Variants in FAM50A observed in about 807,000 individuals in gnomAD.
FAM50A encodes family with sequence similarity 50 member A, also known as protein FAM50A.
In FAM50A, 6 loss-of-function variants were observed where a neutral mutation model predicts 35.5. The ratio of observed to expected loss-of-function variants is 0.17; its 90% CI spans 0.09 to 0.33. FAM50A has a LOEUF of 0.33. FAM50A is among the 10% of genes least tolerant of loss of function. The probability of loss-of-function intolerance (pLI) is 1.00; values close to 1 mark genes in which losing one functional copy is unlikely to be tolerated. For missense variants in FAM50A, 145 were observed against 295.5 expected, an observed-to-expected ratio of 0.49 and a Z score of 3.73; for synonymous variants, 120 against 110.9, an observed-to-expected ratio of 1.08 and a Z score of -0.52.
rs1375528080 is a variant in FAM50A at position 154,448,743 on chromosome X, G to A, written c.573G>A (p.Gln191=). 3.3e-6 allele frequency: 4 copies of A among 1,207,479 alleles called. No individual in the cohort carries two copies. The highest frequency in any genetic ancestry group is 1.8e-5 in the African/African-American group (1 of 56,511). The change falls in exon 6 of 13, where the codon CAG becomes CAA. Residue 191 remains glutamine (Q), a synonymous_variant. Transcript: ENST00000393600. ...EELRQEWEAK[Q]EKIKSEEIEI... Reference sequence around the variant, plus strand: ...TGCGGCAGGAGTGGGAAGCCAAGCAGGAGAAGATCAAGAGTGAGTGTTTGC... The same window carrying A: ...TGCGGCAGGAGTGGGAAGCCAAGCAAGAGAAGATCAAGAGTGAGTGTTTGC...
chrX:154,448,400 G>A (rs782687756), intron 4 of FAM50A, 84 bp from the exon 5 acceptor site: 13 of 828,467 alleles, frequency 1.6e-5, no homozygotes, highest in Non-Finnish European at 2.2e-5. Context: ...TGTTCTCAAG[G>A]TATGCTTGGG....
intron 8 of FAM50A, 24 bp from the exon 9 acceptor site, chrX:154,449,657 C>T (rs782129311): frequency 2.3e-5 from 27 of 1,197,972 alleles, no homozygotes; most frequent in African/African-American, 1.8e-4. Context: ...CTCTTGCCCA[C>T]GCCCTCCTGC....
At chrX:154,446,029 C>T (rs2068781196) in intron 3 of FAM50A, 118 bp downstream of exon 3, 1 of 520,260 alleles carries the variant, frequency 1.9e-6, no homozygotes, top group African/African-American at 2.3e-5. Flanking sequence ...ACAGGGGTAG[C>T]ATCTAGCTTG....
Position 154,446,549 on chromosome X carries a change from TGGAAAG to T in FAM50A, c.436_441del (p.Arg146_Glu147del). 1 of 1,165,465 alleles carries T rather than the reference TGGAAAG, an allele frequency of 8.6e-7. No homozygotes were observed. The highest frequency in any genetic ancestry group is 1.1e-6 in the Non-Finnish European group (1 of 869,721). On this transcript the variant is annotated inframe_deletion, in exon 4 of 13. Coordinates refer to ENST00000393600, the MANE Select transcript of FAM50A (RefSeq NM_004699.4). ...GAGGCGGCCATGTATGAGGAGGAGATGGAAAGGGAAGGTGAGGGCTGGCTTGAGTCG... is the reference window on the plus strand; with the variant it reads ...GAGGCGGCCATGTATGAGGAGGAGATGGAAGGTGAGGGCTGGCTTGAGTCG...
At chrX:154,446,216 G>A (rs1375504793) in intron 3 of FAM50A, 199 bp from the exon 4 acceptor site, 1 of 458,415 alleles carries the variant, frequency 2.2e-6, no homozygotes, top group Non-Finnish European at 3.9e-6. Context: ...GTGGCCCTCT[G>A]TGCTTGCTGT....
intron 1 of FAM50A, chrX:154,444,580 G>A: frequency 1.0e-5 from 2 of 197,224 alleles, no homozygotes; most frequent in Non-Finnish European, 1.9e-5. Context: ...ACTAGCTGAT[G>A]ACCGGCCTCC....
chrX:154,450,551 G>A lies in FAM50A; in HGVS notation c.*119G>A. On this transcript the variant is annotated 3_prime_UTR_variant, in exon 13 of 13. Coordinates refer to ENST00000393600, the MANE Select transcript of FAM50A (RefSeq NM_004699.4). ...TGCCAGGCACGCTGGGAGGAGGACG[G>A]CAGCTGCTCGTGTCCTGCCCCTGCC... The A allele has an allele frequency of 1.4e-6, 1 of 708,784 alleles. No homozygotes were observed. Among genetic ancestry groups the A allele is most frequent in the Non-Finnish European group, 2.1e-6 (1 of 470,312 alleles). The allele number at this position is 708,784 out of a possible 1,213,427, so 58.4% of individuals were successfully genotyped here. A position where few individuals can be genotyped will look rare whatever the true frequency, so the allele number is the denominator to read the frequency against.
At chrX:154,449,365 C>T (rs2148233533) in intron 8 of FAM50A, 68 bp downstream of exon 8, 1 of 938,691 alleles carries the variant, frequency 1.1e-6, no homozygotes, top group East Asian at 3.1e-5. Context: ...GTGCCAGACA[C>T]CCAGTGTGAT....
chrX:154,449,262 G>T lies in FAM50A; in HGVS notation c.690G>T (p.Ala230=). The change falls in exon 8 of 13, where the codon GCG becomes GCT. Residue 230 remains alanine, a synonymous_variant. Transcript: ENST00000393600. Reference sequence around the variant, plus strand: ...CCATGCAGCAGTTCCTGCAGAAGGCGCTCGAGATCCTTCGGAAAGACTTCA... The same window carrying T: ...CCATGCAGCAGTTCCTGCAGAAGGCTCTCGAGATCCTTCGGAAAGACTTCA... ...GNTMQQFLQK[A]LEILRKDFSE... 1 of 1,210,882 alleles carries T rather than the reference G, an allele frequency of 8.3e-7. No homozygotes were observed. Among genetic ancestry groups the T allele is most frequent in the Non-Finnish European group, 1.1e-6 (1 of 894,162 alleles).
intron 4 of FAM50A, among the ~76,000 whole-genome samples, chrX:154,447,574 AGCTGCAAT>A (rs1175652586): frequency 8.9e-6 from 1 of 112,258 alleles, no homozygotes; most frequent in African/African-American, 3.2e-5. Context: ...CAGGCGCACT[AGCTGCAAT>A]GCTGGGGTGC....
In FAM50A at chrX:154,448,903, C is replaced by A; in HGVS notation, c.597C>A (p.Ile199=). 3 of 1,210,911 alleles carry A rather than the reference C, an allele frequency of 2.5e-6. No homozygotes were observed. The highest frequency in any genetic ancestry group is 3.4e-6 in the Non-Finnish European group (3 of 894,647). Residue 199 remains isoleucine, a synonymous_variant, in exon 7 of 13, where the codon ATC becomes ATA. Transcript: ENST00000393600. ...AGCTCTGCCTTGTAGGTGAGGAGATCGAGATCACCTTCAGCTACTGGGATG... is the reference window on the plus strand; with the variant it reads ...AGCTCTGCCTTGTAGGTGAGGAGATAGAGATCACCTTCAGCTACTGGGATG... ...AKQEKIKSEE[I]EITFSYWDGS...
Position 154,450,109 on chromosome X carries a change from A to G in FAM50A, c.900+10A>G, listed in dbSNP as rs781950938. The G allele has an allele frequency of 3.3e-6, 4 of 1,208,056 alleles. No individual in the cohort carries two copies. On this transcript the variant is annotated intron_variant, in intron 11 of 12. Coordinates refer to ENST00000393600, the MANE Select transcript of FAM50A (RefSeq NM_004699.4). Reference sequence around the variant, plus strand: ...TGTGGAGAAGGATGAGGTACAGCGTAGGGGGCCGTGTGAGGGGGAACGGGT... The same window carrying G: ...TGTGGAGAAGGATGAGGTACAGCGTGGGGGGCCGTGTGAGGGGGAACGGGT...
chrX:154,446,185 G>T, intron 3 of FAM50A: 1 of 450,546 alleles, frequency 2.2e-6, no homozygotes, highest in Non-Finnish European at 3.9e-6. Context: ...CCCATTGCCA[G>T]CCTGTGCTTG....
At chrX:154,445,191 G>T (rs978580141) in intron 1 of FAM50A, among the ~76,000 whole-genome samples, 8 of 111,763 alleles carry the variant, frequency 7.2e-5, no homozygotes, top group Admixed American at 3.8e-4. Context: ...AAGTGGGTTG[G>T]GGCTGGGGCC....
Position 154,448,072 on chromosome X carries a change from C to CTTTTTT in FAM50A, c.443-403_443-398dup, listed in dbSNP as rs781847663. Among the ~76,000 whole-genome samples, 55 of 82,852 alleles carry CTTTTTT rather than the reference C, an allele frequency of 6.6e-4. 4 individuals are homozygous for CTTTTTT. The highest frequency in any genetic ancestry group is 2.9e-3 in the African/African-American group (52 of 18,022). The allele number at this position is 82,852 out of a possible 115,157, so 71.9% of individuals were successfully genotyped here. On this transcript the variant is annotated intron_variant, in intron 4 of 12. Transcript: ENST00000393600. ...TGTTGTTCTTTTCTTTTTTTTCTTTCTTTTTTTTTTTTTTGAGATGAGGTC... is the reference window on the plus strand; with the variant it reads ...TGTTGTTCTTTTCTTTTTTTTCTTTCTTTTTTTTTTTTTTTTTTTTGAGATGAGGTC...
chrX:154,445,714 G>A lies in FAM50A; in HGVS notation c.193G>A (p.Val65Met). 2 of 1,205,045 alleles carry A rather than the reference G, an allele frequency of 1.7e-6. No homozygotes were observed. Among genetic ancestry groups the A allele is most frequent in the South Asian group, 1.8e-5 (1 of 56,843 alleles). Reference protein sequence around the residue: ...AVEAELKSSTVGLVTLNDMKA... With the variant: ...AVEAELKSSTMGLVTLNDMKA... The stretch of plus-strand genomic sequence containing the variant: ...GGAGGCAGAGCTCAAGTCCAGCACC[G>A]TGGGTGAGCAGGGTGCGGGTGCCCC... The change falls in exon 2 of 13, where the codon GTG becomes ATG. Residue 65 changes from valine (V) to methionine (M), a missense_variant. By Grantham distance (21) the Val-to-Met change is conservative. Around this residue, in one of 5 missense-constraint regions of FAM50A, gnomAD observed 31 missense variants for 75.2 expected, o/e 0.41. Coordinates refer to ENST00000393600, the MANE Select transcript of FAM50A (RefSeq NM_004699.4).
At position 154,450,464 on chromosome X, in the gene FAM50A, C is replaced by T. The variant is rs370480363; in HGVS notation, c.*32C>T. ...AGGAGGCTGCGCGGCCCCGGCTCCT[C>T]AGCTCCCTCAGTGTGCCCCGTGGTG... is the stretch of plus-strand genomic sequence containing the variant. On this transcript the variant is annotated 3_prime_UTR_variant, in exon 13 of 13. Coordinates refer to ENST00000393600, the MANE Select transcript of FAM50A (RefSeq NM_004699.4). 44 of 1,200,223 alleles carry T rather than the reference C, an allele frequency of 3.7e-5. No homozygotes were observed. Among genetic ancestry groups the T allele is most frequent in the Admixed American group, 2.2e-4 (10 of 45,520 alleles).
chrX:154,444,143 C>G lies in FAM50A; in HGVS notation c.-93C>G. The G allele has an allele frequency of 5.0e-6, 1 of 200,877 alleles. No homozygotes were observed. Among genetic ancestry groups the G allele is most frequent in the Non-Finnish European group, 7.5e-6 (1 of 132,923 alleles). 16.6% of individuals were successfully genotyped at this position (200,877 alleles called of 1,213,427 possible). A position where few individuals can be genotyped will look rare whatever the true frequency, so the allele number is the denominator to read the frequency against. ...GCTGACGTCACGGCGCGGGCGTCAG[C>G]TGACTGTTCGGCCGCCACCGCCGCT... On this transcript the variant is annotated 5_prime_UTR_variant, in exon 1 of 13. Transcript: ENST00000393600.
Position 154,450,493 on chromosome X carries a change from C to G in FAM50A, c.*61C>G. 8.7e-7 allele frequency: 1 copy of G among 1,154,449 alleles called. No individual in the cohort carries two copies. The highest frequency in any genetic ancestry group is 1.2e-6 in the Non-Finnish European group (1 of 849,036). On this transcript the variant is annotated 3_prime_UTR_variant, in exon 13 of 13. Coordinates refer to ENST00000393600, the MANE Select transcript of FAM50A (RefSeq NM_004699.4). ...TCCCTCAGTGTGCCCCGTGGTGTCA[C>G]CGGGACTCCAGGCACCCGCTCCCCT...
Sources: gnomAD v4.1 joint callset for allele counts (sites outside exome capture counted in the v4.1 genomes callset) on GRCh38, gnomAD v4.1.1 for gene constraint, gnomAD v4.1.1 regional missense constraint, MANE v1.5 for transcripts, NCBI Gene and HGNC (gene_info 2026-07-23, HGNC 2026-07-21) for gene names.